SAMD5: variants seen among roughly 807,000 people sequenced by gnomAD.
The protein encoded by SAMD5 is sterile alpha motif domain containing 5.
A neutral mutation model predicts 11.3 loss-of-function variants in SAMD5; 13 were observed. The ratio of observed to expected loss-of-function variants is 1.15; its 90% CI spans 0.75 to 1.83. The LOEUF (loss-of-function observed/expected upper bound fraction) is 1.83. Among genes scored for constraint, SAMD5 ranks in the 40% most tolerant of loss-of-function variants. The pLI is 0.00. For synonymous variants in SAMD5, 129 were observed against 111.3 expected, an observed-to-expected ratio of 1.16 and a Z score of -1.00; for missense variants, 255 against 239.1, an observed-to-expected ratio of 1.07 and a Z score of -0.44.
At chr6:147,687,421 C>A (rs1054637039) in intron 1 of SAMD5, among the ~76,000 whole-genome samples, 1 of 151,624 alleles carries the variant, frequency 6.6e-6, no homozygotes, top group African/African-American at 2.4e-5. Context: ...GGACCACAGA[C>A]ATGCGCCACC....
At chr6:147,912,547 A>C in the SAMD5 span, among the ~76,000 whole-genome samples, 47 of 152,358 alleles carry the variant, frequency 3.1e-4, no homozygotes, top group African/African-American at 1.1e-3. Context: ...ATTATCCTTC[A>C]ATCTAGCAGT....
intron 1 of SAMD5, among the ~76,000 whole-genome samples, chr6:147,688,812 G>A (rs1341200718): frequency 6.6e-6 from 1 of 152,172 alleles, no homozygotes; most frequent in Non-Finnish European, 1.5e-5. Flanking sequence ...TTTTCAAGGT[G>A]TTCCAGGTGG....
At chr6:147,592,536 T>A (rs188812508) in intron 1 of SAMD5, among the ~76,000 whole-genome samples, 1 of 152,106 alleles carries the variant, frequency 6.6e-6, no homozygotes, top group Non-Finnish European at 1.5e-5. Flanking sequence ...GAACATAATT[T>A]AAAGAATGAC....
At chr6:147,575,343 C>T (rs844627) in intron 1 of SAMD5, among the ~76,000 whole-genome samples, 107,514 of 152,204 alleles carry the variant, frequency 0.71, 38,236 homozygotes, top group African/African-American at 0.77. Context: ...TCCCCAGAAG[C>T]TGTCTGCAGA....
Position 147,546,620 on chromosome 6 carries a change from C to G in SAMD5, c.460-17774C>G, listed in dbSNP as rs550770100. ...CCAGAGCTCCATCAAGTGGCCCCAACCTATCTGTAAGAGACCCTGGGAACT... is the reference window on the plus strand; with the variant it reads ...CCAGAGCTCCATCAAGTGGCCCCAAGCTATCTGTAAGAGACCCTGGGAACT... On this transcript the variant is annotated intron_variant, in intron 1 of 1. Coordinates refer to ENST00000367474, the MANE Select transcript of SAMD5 (RefSeq NM_001030060.3). Among the ~76,000 whole-genome samples, 11 of 151,914 alleles carry G rather than the reference C, an allele frequency of 7.2e-5. No individual in the cohort carries two copies. In the South Asian group the frequency reaches 1.5e-3, roughly 20 times the overall value.
intron 1 of SAMD5, among the ~76,000 whole-genome samples, chr6:147,675,332 A>C (rs1790847388): frequency 6.6e-6 from 1 of 152,176 alleles, no homozygotes; most frequent in Non-Finnish European, 1.5e-5. Flanking sequence ...ACCACAAGTA[A>C]GCTCTGAAAT....
intron 1 of SAMD5, among the ~76,000 whole-genome samples, chr6:147,528,227 C>G (rs9399605): frequency 0.18 from 28,078 of 152,062 alleles, 3,075 homozygotes; most frequent in East Asian, 0.39. Context: ...GGATTTAACT[C>G]CTGACTGTAT....
chr6:147,868,609 G>A, the SAMD5 span, among the ~76,000 whole-genome samples: 3 of 152,176 alleles, frequency 2.0e-5, no homozygotes, highest in African/African-American at 4.8e-5. Flanking sequence ...CCACTCTGTG[G>A]TGTACTGGAA....
chr6:147,806,661 A>C, the SAMD5 span, among the ~76,000 whole-genome samples: 2 of 151,910 alleles, frequency 1.3e-5, no homozygotes, highest in Non-Finnish European at 2.9e-5. Flanking sequence ...TCTTGCTCTT[A>C]ATGTTTTTTG....
chr6:147,918,688 CTTTTTTTTTTTTT>C, the SAMD5 span, among the ~76,000 whole-genome samples: 1 of 99,446 alleles, frequency 1.0e-5, no homozygotes, highest in African/African-American at 4.0e-5. Flanking sequence ...CACAAGCATT[CTTTTTTTTTTTTT>C]TTTTTTTTTT....
the SAMD5 span, among the ~76,000 whole-genome samples, chr6:147,905,518 G>T: frequency 6.6e-6 from 1 of 152,010 alleles, no homozygotes; most frequent in Non-Finnish European, 1.5e-5. Context: ...AGAAATTTTA[G>T]AAAATATGGA....
intron 1 of SAMD5, among the ~76,000 whole-genome samples, chr6:147,714,794 G>T (rs571933153): frequency 2.6e-5 from 4 of 152,090 alleles, no homozygotes; most frequent in Admixed American, 6.5e-5. Flanking sequence ...CCAAAAAAAC[G>T]AATGACTTAG....
intron 1 of SAMD5, among the ~76,000 whole-genome samples, chr6:147,580,813 A>G (rs1789286705): frequency 1.7e-5 from 2 of 119,190 alleles, no homozygotes; most frequent in Non-Finnish European, 1.7e-5. Flanking sequence ...CAGCTAAACT[A>G]TGATTTTTTT....
At chr6:147,771,054 C>T in the SAMD5 span, among the ~76,000 whole-genome samples, 1 of 152,114 alleles carries the variant, frequency 6.6e-6, no homozygotes, top group African/African-American at 2.4e-5. Flanking sequence ...TTTGGGAGGA[C>T]ATCTTGCTAA....
rs578037820 is a variant in SAMD5 at position 147,565,996 on chromosome 6, A to G, written c.*1540A>G. On this transcript the variant is annotated 3_prime_UTR_variant, in exon 2 of 2. Coordinates refer to ENST00000367474, the MANE Select transcript of SAMD5 (RefSeq NM_001030060.3). ...AAGAAGAATAAGAAACTCTCAAAGGAAAAGAAACTTACATTCACTTTTTCC... is the reference window on the plus strand; with the variant it reads ...AAGAAGAATAAGAAACTCTCAAAGGGAAAGAAACTTACATTCACTTTTTCC... 1.0e-6 allele frequency: 1 copy of G among 985,348 alleles called. No individual in the cohort carries two copies. The highest frequency in any genetic ancestry group is 1.1e-4 in the East Asian group (1 of 8,806). 61.0% of individuals were successfully genotyped at this position (985,348 alleles called of 1,614,324 possible). A position where few individuals can be genotyped will look rare whatever the true frequency, so the allele number is the denominator to read the frequency against.
intron 1 of SAMD5, among the ~76,000 whole-genome samples, chr6:147,614,469 CA>C (rs55991810): frequency 2.4e-4 from 33 of 137,960 alleles, no homozygotes; most frequent in Non-Finnish European, 2.2e-4. Context: ...ACTCTGTCTC[CA>C]AAAAAAAAAA....
chr6:147,595,276 T>C (rs1236312911), intron 1 of SAMD5, among the ~76,000 whole-genome samples: 3 of 152,150 alleles, frequency 2.0e-5, no homozygotes, highest in Non-Finnish European at 2.9e-5. Flanking sequence ...ATTCACACCA[T>C]GCAAAAAGCT....
chr6:147,682,584 G>A (rs1427184783), intron 1 of SAMD5, among the ~76,000 whole-genome samples: 1 of 152,152 alleles, frequency 6.6e-6, no homozygotes, highest in Non-Finnish European at 1.5e-5. Context: ...ATTTATACCT[G>A]AGGAAAGCCA....
At chr6:147,649,044 T>C (rs765486224) in intron 1 of SAMD5, among the ~76,000 whole-genome samples, 2 of 152,220 alleles carry the variant, frequency 1.3e-5, no homozygotes, top group Admixed American at 6.5e-5. Flanking sequence ...TGGATTCTTA[T>C]TAGCAATGTT....
Sources: gnomAD v4.1 joint callset for allele counts (sites outside exome capture counted in the v4.1 genomes callset) on GRCh38, gnomAD v4.1.1 for gene constraint, MANE v1.5 for transcripts, NCBI Gene and HGNC (gene_info 2026-07-23, HGNC 2026-07-21) for gene names.